STK3: variants seen among roughly 807,000 people sequenced by gnomAD.
The protein encoded by STK3 is serine/threonine kinase 3, also known as serine/threonine-protein kinase 3.
A neutral mutation model predicts 58.0 loss-of-function variants in STK3; 41 were observed. The observed-to-expected ratio is 0.71, with a 90% confidence interval of 0.55 to 0.92. The LOEUF (loss-of-function observed/expected upper bound fraction) is 0.92. Ranked by LOEUF, STK3 falls within the 40% of genes least tolerant of loss-of-function variation. The pLI, the probability that STK3 is intolerant of heterozygous loss-of-function variation, is 0.00. For synonymous variants in STK3, 170 were observed against 191.0 expected, an observed-to-expected ratio of 0.89 and a Z score of 0.91; for missense variants, 479 against 602.7, an observed-to-expected ratio of 0.79 and a Z score of 2.15.
At chr8:98,502,846 A>G (rs916241678) in intron 10 of STK3, among the ~76,000 whole-genome samples, 1 of 151,976 alleles carries the variant, frequency 6.6e-6, no homozygotes, top group African/African-American at 2.4e-5. Context: ...GTTCATAAGG[A>G]ATATTGGTCT....
chr8:98,683,021 A>G (rs1823748924), intron 6 of STK3, among the ~76,000 whole-genome samples: 2 of 152,064 alleles, frequency 1.3e-5, no homozygotes, highest in Admixed American at 6.5e-5. Context: ...TTTAAGATAT[A>G]TATCTTCAAT....
chr8:98,926,696 TAAG>T (rs1839812833), intron 1 of STK3, among the ~76,000 whole-genome samples: 1 of 152,168 alleles, frequency 6.6e-6, no homozygotes, highest in Non-Finnish European at 1.5e-5. Flanking sequence ...TTAAGGCCGT[TAAG>T]AAATAAGGCA....
In STK3 at chr8:98,425,408, G is replaced by C. The variant is rs368688926; in HGVS notation, n.483+8719C>G. Among the ~76,000 whole-genome samples the C allele has an allele frequency of 3.3e-5, 5 of 152,178 alleles. No homozygotes were observed. The South Asian group carries it at 1.0e-3, about 31-fold the overall frequency. On this transcript the variant is annotated intron_variant and non_coding_transcript_variant, in intron 3 of 3. Transcript: ENST00000517832. ...GTGTGTTTGAGGGTAGGGCAGAATG[G>C]AGGACTGGATTCCTCTTTTAGGGAC...
chr8:98,703,831 C>CAATTTT (rs763798062), intron 6 of STK3, among the ~76,000 whole-genome samples: 3 of 152,238 alleles, frequency 2.0e-5, no homozygotes, highest in Non-Finnish European at 4.4e-5. Flanking sequence ...TCCCAATTAC[C>CAATTTT]AATTTTAGCT....
chr8:98,779,723 G>C (rs1831958590), intron 1 of STK3, among the ~76,000 whole-genome samples: 1 of 152,104 alleles, frequency 6.6e-6, no homozygotes, highest in Admixed American at 6.6e-5. Context: ...TTCTCAACCT[G>C]AATAAAGCAT....
chr8:98,679,646 C>A (rs1477577516), intron 6 of STK3, among the ~76,000 whole-genome samples: 1 of 152,146 alleles, frequency 6.6e-6, no homozygotes, highest in Non-Finnish European at 1.5e-5. Flanking sequence ...TAGTCCCAAG[C>A]ACATGGTAGG....
At chr8:98,742,143 A>G (rs1829272222) in intron 4 of STK3, among the ~76,000 whole-genome samples, 1 of 151,930 alleles carries the variant, frequency 6.6e-6, no homozygotes, top group African/African-American at 2.4e-5. Flanking sequence ...GCCGAATTCT[A>G]CCAGAGGTAC....
intron 10 of STK3, among the ~76,000 whole-genome samples, chr8:98,471,170 G>A (rs1820887893): frequency 1.3e-5 from 2 of 152,034 alleles, no homozygotes; most frequent in South Asian, 4.2e-4. Flanking sequence ...ATCGGAAACT[G>A]AGAAACATGA....
At chr8:98,660,030 G>A (rs1340977528) in intron 6 of STK3, among the ~76,000 whole-genome samples, 4 of 151,722 alleles carry the variant, frequency 2.6e-5, no homozygotes, top group Non-Finnish European at 5.9e-5. Context: ...AAAAATGAAC[G>A]AAGACGATGA....
At chr8:98,682,499 TTA>T (rs1823710479) in intron 6 of STK3, among the ~76,000 whole-genome samples, 2 of 152,292 alleles carry the variant, frequency 1.3e-5, no homozygotes, top group African/African-American at 2.4e-5. Context: ...CGCTAATCAT[TTA>T]TTTCTTACCT....
chr8:98,344,627 C>T, the STK3 span, among the ~76,000 whole-genome samples: 1 of 152,096 alleles, frequency 6.6e-6, no homozygotes, highest in Non-Finnish European at 1.5e-5. Flanking sequence ...GGCGCGGTGG[C>T]TCACGCCTGT....
chr8:98,646,627 T>A, intron 6 of STK3, among the ~76,000 whole-genome samples: 1 of 152,168 alleles, frequency 6.6e-6, no homozygotes, highest in East Asian at 1.9e-4. Flanking sequence ...AAACTCCTGC[T>A]TCTTGAGGTT....
At chr8:98,717,183 T>G (rs1168984598) in intron 4 of STK3, among the ~76,000 whole-genome samples, 3 of 150,296 alleles carry the variant, frequency 2.0e-5, no homozygotes, top group African/African-American at 7.3e-5. Flanking sequence ...TTGGACTTCA[T>G]GAAAATTAAA....
intron 3 of STK3, among the ~76,000 whole-genome samples, chr8:98,402,215 TC>T (rs2131027643): frequency 6.6e-6 from 1 of 151,726 alleles, no homozygotes; most frequent in African/African-American, 2.4e-5. Context: ...TTAGGGAGAG[TC>T]AGAGCAGGGA....
At chr8:98,798,652 C>T (rs1833331232) in intron 1 of STK3, among the ~76,000 whole-genome samples, 1 of 152,122 alleles carries the variant, frequency 6.6e-6, no homozygotes, top group South Asian at 2.1e-4. Context: ...TTTCCTATTG[C>T]TATGTTTTGG....
intron 10 of STK3, among the ~76,000 whole-genome samples, chr8:98,480,605 T>C (rs1249667130): frequency 6.6e-6 from 1 of 152,116 alleles, no homozygotes; most frequent in African/African-American, 2.4e-5. Flanking sequence ...AAATAGACCA[T>C]GGAACTGAAT....
chr8:98,628,180 T>C (rs1282822838), intron 6 of STK3, among the ~76,000 whole-genome samples: 2 of 152,202 alleles, frequency 1.3e-5, no homozygotes, highest in African/African-American at 2.4e-5. Context: ...TTCTGGAAAT[T>C]CTGAGACAGA....
the STK3 span, among the ~76,000 whole-genome samples, chr8:98,362,550 C>T: frequency 6.6e-6 from 1 of 152,192 alleles, no homozygotes; most frequent in East Asian, 1.9e-4. Flanking sequence ...GGACACTTTT[C>T]CCTGAAGTCA....
At chr8:98,650,175 AT>A (rs1165686877) in intron 6 of STK3, among the ~76,000 whole-genome samples, 1 of 152,202 alleles carries the variant, frequency 6.6e-6, no homozygotes, top group Non-Finnish European at 1.5e-5. Flanking sequence ...AATAAAATGT[AT>A]TTTTCCTCTT....
Sources: allele counts gnomAD v4.1 joint callset (sites outside exome capture counted in the v4.1 genomes callset), GRCh38; gene constraint gnomAD v4.1.1; transcripts MANE v1.5; gene names NCBI Gene and HGNC (gene_info 2026-07-23, HGNC 2026-07-21).